Variants in SPAG16 observed in about 807,000 individuals in gnomAD.
The protein encoded by SPAG16 is sperm-associated antigen 16 protein.
In SPAG16, 86 loss-of-function variants were observed where a neutral mutation model predicts 80.4. The observed-to-expected ratio is 1.07, with a 90% CI of 0.90 to 1.28. The LOEUF is 1.28. SPAG16 is among the 50% of genes most tolerant of loss of function. The probability of loss-of-function intolerance (pLI) is 0.00; values close to 1 mark genes in which losing one functional copy is unlikely to be tolerated. For missense variants in SPAG16, 870 were observed against 765.3 expected (o/e 1.14, Z -1.61); for synonymous variants, 294 against 265.9 (o/e 1.11, Z -1.03).
At chr2:213,560,324 CCTT>C (rs977303297) in intron 10 of SPAG16, among the ~76,000 whole-genome samples, 1 of 151,984 alleles carries the variant, frequency 6.6e-6, no homozygotes, top group African/African-American at 2.4e-5. Context: ...GTTTGTAACT[CCTT>C]GAACTAACAA....
rs373060818 is a variant in SPAG16 at position 213,541,179 on chromosome 2, G to T, written c.1070+51089G>T. ...GAATGGGGGCCATGAGGAAACGGAG[G>T]TCTGAGTAGTGAGAGCAGTAGGCTG... is the stretch of plus-strand genomic sequence containing the variant. On this transcript the variant is annotated intron_variant, in intron 10 of 15. Transcript: ENST00000331683. Among the ~76,000 whole-genome samples, 60 of 152,310 alleles carry T rather than the reference G, an allele frequency of 3.9e-4. 1 individual carries two copies. The South Asian group carries it at 0.012, about 31-fold the overall frequency.
At position 214,280,753 on chromosome 2, in the gene SPAG16, T is replaced by C. The variant is rs571727428; in HGVS notation, c.1721-129387T>C. 4.1e-4 allele frequency: 173 copies of C among 425,658 alleles called. 3 individuals are homozygous for C. The highest frequency in any genetic ancestry group is 3.2e-3 in the South Asian group (157 of 48,812). The allele number at this position is 425,658 out of a possible 1,614,324, so 26.4% of individuals were successfully genotyped here. The stretch of plus-strand genomic sequence containing the variant: ...GTTCTATCTCTTTTAACTTATTTCC[T>C]GGGCGTCTTCTCATAGACTAGATTC... On this transcript the variant is annotated intron_variant, in intron 15 of 15. Transcript: ENST00000331683.
intron 13 of SPAG16, among the ~76,000 whole-genome samples, chr2:214,089,094 A>T (rs2051984077): frequency 6.6e-6 from 1 of 152,030 alleles, no homozygotes; most frequent in African/African-American, 2.4e-5. Flanking sequence ...CACCTTCTCA[A>T]ACACTTCGAC....
chr2:213,704,641 A>G (rs2065656765), intron 10 of SPAG16, among the ~76,000 whole-genome samples: 1 of 148,980 alleles, frequency 6.7e-6, no homozygotes, highest in South Asian at 2.1e-4. Context: ...AATAATTCAA[A>G]TACAAAGAAA....
intron 9 of SPAG16, 58 bp downstream of exon 9, chr2:213,375,177 C>T: frequency 1.7e-6 from 2 of 1,177,526 alleles, no homozygotes; most frequent in South Asian, 1.4e-5. Flanking sequence ...TCTTTAGATC[C>T]ATTCACTCAT....
Position 213,377,899 on chromosome 2 carries a change from ATATATT to A in SPAG16, c.942+2782_942+2787del, listed in dbSNP as rs1559472237. On this transcript the variant is annotated intron_variant, in intron 9 of 15. Transcript: ENST00000331683. ...AGGATGTGTATATATATATATATAT[ATATATT>A]TTTTTTTTTTTTTCTTTAGAAGGAT... Among the ~76,000 whole-genome samples, 138 of 17,866 alleles carry A rather than the reference ATATATT, an allele frequency of 7.7e-3. 1 individual carries two copies. Among genetic ancestry groups the A allele is most frequent in the Non-Finnish European group, 4.1e-3 (38 of 9,228 alleles). 11.7% of individuals were successfully genotyped at this position (17,866 alleles called of 152,430 possible).
At chr2:213,347,138 A>T (rs1034261210) in intron 6 of SPAG16, among the ~76,000 whole-genome samples, 3 of 152,128 alleles carry the variant, frequency 2.0e-5, no homozygotes, top group African/African-American at 7.2e-5. Flanking sequence ...CGAGGAATTT[A>T]TCCATTTCTT....
chr2:213,744,630 T>C (rs1162393362), intron 10 of SPAG16, among the ~76,000 whole-genome samples: 2 of 152,218 alleles, frequency 1.3e-5, no homozygotes, highest in Non-Finnish European at 2.9e-5. Flanking sequence ...ATAATGATTT[T>C]AAATCAATGG....
intron 10 of SPAG16, among the ~76,000 whole-genome samples, chr2:213,848,387 A>C (rs1006744460): frequency 6.6e-6 from 1 of 152,200 alleles, no homozygotes. Context: ...TGCATCACAG[A>C]TTATCAGGAC....
chr2:213,528,608 A>G (rs754412827), intron 10 of SPAG16, among the ~76,000 whole-genome samples: 105 of 152,082 alleles, frequency 6.9e-4, no homozygotes, highest in Non-Finnish European at 1.1e-3. Flanking sequence ...AAGATATTTT[A>G]AGTAAACTTA....
At chr2:213,901,712 A>T (rs76778253) in intron 11 of SPAG16, among the ~76,000 whole-genome samples, 1 of 152,158 alleles carries the variant, frequency 6.6e-6, no homozygotes, top group Non-Finnish European at 1.5e-5. Context: ...ATTAAAAAAT[A>T]CAATAATCTA....
intron 14 of SPAG16, among the ~76,000 whole-genome samples, chr2:214,143,449 G>C (rs1320263729): frequency 2.6e-5 from 4 of 151,850 alleles, no homozygotes; most frequent in Admixed American, 6.6e-5. Context: ...TTTATATTAT[G>C]AGGTAGAATC....
chr2:213,562,893 T>C (rs1037926708), intron 10 of SPAG16, among the ~76,000 whole-genome samples: 1 of 152,226 alleles, frequency 6.6e-6, no homozygotes, highest in East Asian at 1.9e-4. Flanking sequence ...TAGCTAGCTC[T>C]CTGAAGTCTC....
rs559931867 is a variant in SPAG16 at position 214,096,320 on chromosome 2, C to A, written c.1528-11876C>A. Among the ~76,000 whole-genome samples, 14 of 151,274 alleles carry A rather than the reference C, an allele frequency of 9.3e-5. No homozygotes were observed. In the East Asian group the frequency reaches 2.7e-3, roughly 30 times the overall value. On this transcript the variant is annotated intron_variant, in intron 13 of 15. Coordinates refer to ENST00000331683, the MANE Select transcript of SPAG16 (RefSeq NM_024532.5). ...AATTTTTTTCAAGGAAAATGTAATT[C>A]TGCCAAGTACTTTGGTTCATTTGAT...
chr2:213,393,368 A>G (rs1048805017), intron 9 of SPAG16, among the ~76,000 whole-genome samples: 1 of 151,332 alleles, frequency 6.6e-6, no homozygotes, highest in Non-Finnish European at 1.5e-5. Context: ...TATATCACAT[A>G]TATTTGAATA....
Position 213,362,959 on chromosome 2 carries a change from A to G in SPAG16, c.763-1117A>G, listed in dbSNP as rs116655942. On this transcript the variant is annotated intron_variant, in intron 7 of 15. Transcript: ENST00000331683. ...TTCAACAAGAGATTTGGAGAGGACA[A>G]ATATCCAAACTATATCAGTCTGAGA... is the stretch of plus-strand genomic sequence containing the variant. Among the ~76,000 whole-genome samples, 256 of 152,300 alleles carry G rather than the reference A, an allele frequency of 1.7e-3. 1 individual carries two copies. Among genetic ancestry groups the G allele is most frequent in the African/African-American group, 5.8e-3 (239 of 41,556 alleles).
At chr2:214,385,375 A>G (rs1297468357) in intron 15 of SPAG16, among the ~76,000 whole-genome samples, 1 of 152,234 alleles carries the variant, frequency 6.6e-6, no homozygotes, top group Non-Finnish European at 1.5e-5. Flanking sequence ...CTTATATATC[A>G]GTATCTCATT....
intron 10 of SPAG16, among the ~76,000 whole-genome samples, chr2:213,520,586 T>G (rs1405434983): frequency 1.3e-5 from 2 of 152,016 alleles, no homozygotes; most frequent in Non-Finnish European, 2.9e-5. Flanking sequence ...AGAGCAAGAC[T>G]CCATCTCAAA....
intron 15 of SPAG16, among the ~76,000 whole-genome samples, chr2:214,253,909 A>G (rs1176883262): frequency 6.6e-6 from 1 of 152,084 alleles, no homozygotes; most frequent in Non-Finnish European, 1.5e-5. Flanking sequence ...GGCCATTTTC[A>G]TGATATTGAT....
Sources: gnomAD v4.1 joint callset for allele counts (sites outside exome capture counted in the v4.1 genomes callset) on GRCh38, gnomAD v4.1.1 for gene constraint, MANE v1.5 for transcripts, NCBI Gene and HGNC (gene_info 2026-07-23, HGNC 2026-07-21) for gene names.